PIK3R3: variants seen among roughly 807,000 people sequenced by gnomAD.
PIK3R3 encodes the protein phosphoinositide-3-kinase regulatory subunit 3.
In PIK3R3, 64 loss-of-function variants were observed where a neutral mutation model predicts 62.9. That is an observed-to-expected ratio of 1.02 (90% CI 0.83 to 1.25). The LOEUF is 1.25. Among genes scored for constraint, PIK3R3 ranks in the 50% most tolerant of loss-of-function variants. The pLI, the probability that PIK3R3 is intolerant of heterozygous loss-of-function variation, is 0.00. For synonymous variants in PIK3R3, 165 were observed against 189.0 expected (o/e 0.87, Z 1.04); for missense variants, 614 against 561.6 (o/e 1.09, Z -0.94).
chr1:46,045,635 T>C (rs1261742237), intron 9 of PIK3R3, among the ~76,000 whole-genome samples: 4 of 133,428 alleles, frequency 3.0e-5, no homozygotes, highest in Non-Finnish European at 6.4e-5. Context: ...TTTTTTTTTT[T>C]TTTTTTTTTC....
chr1:46,114,920 C>A (rs1654053836), intron 1 of PIK3R3, among the ~76,000 whole-genome samples: 1 of 151,634 alleles, frequency 6.6e-6, no homozygotes, highest in Non-Finnish European at 1.5e-5. Context: ...TGGCTGCAAT[C>A]TGTAATTTAA....
chr1:46,126,934 G>A (rs1342731254), intron 1 of PIK3R3, among the ~76,000 whole-genome samples: 1 of 152,000 alleles, frequency 6.6e-6, no homozygotes, highest in African/African-American at 2.4e-5. Context: ...GGGGTACTGA[G>A]ACCAAAAAAA....
At chr1:46,112,676 A>G (rs1396959554) in intron 1 of PIK3R3, among the ~76,000 whole-genome samples, 6 of 152,102 alleles carry the variant, frequency 3.9e-5, no homozygotes, top group Non-Finnish European at 8.8e-5. Flanking sequence ...TCTCACTGTG[A>G]TCTCTCCCCC....
chr1:46,067,152 T>C (rs578211520), intron 3 of PIK3R3, 61 bp from the exon 4 acceptor site: 3 of 1,272,326 alleles, frequency 2.4e-6, no homozygotes, highest in African/African-American at 3.0e-5. Context: ...GAACTACTGC[T>C]TTCATATGGA....
Position 46,132,629 on chromosome 1 carries a change from C to T in PIK3R3, c.-677G>A. 7.8e-7 allele frequency: 1 copy of T among 1,289,714 alleles called. No individual in the cohort carries two copies. The allele number at this position is 1,289,714 out of a possible 1,614,324, so 79.9% of individuals were successfully genotyped here. A position where few individuals can be genotyped will look rare whatever the true frequency, so the allele number is the denominator to read the frequency against. On this transcript the variant is annotated 5_prime_UTR_variant, in exon 1 of 10. Coordinates refer to ENST00000262741, the MANE Select transcript of PIK3R3 (RefSeq NM_003629.4). Reference sequence around the variant, plus strand: ...GCACCAACTGCCCTCAAGCTCTGCCCGGACTCCAGCCACTAGAGTTTCATT... The same window carrying T: ...GCACCAACTGCCCTCAAGCTCTGCCTGGACTCCAGCCACTAGAGTTTCATT...
the PIK3R3 span, among the ~76,000 whole-genome samples, chr1:46,169,952 C>A: frequency 2.0e-5 from 3 of 152,114 alleles, no homozygotes; most frequent in Non-Finnish European, 4.4e-5. Flanking sequence ...GATCAGCCCC[C>A]CTAGGCACAA....
At chr1:46,140,347 A>AT in the PIK3R3 span, among the ~76,000 whole-genome samples, 402 of 146,478 alleles carry the variant, frequency 2.7e-3, 1 homozygote, top group African/African-American at 8.9e-3. Context: ...AACCCCCACC[A>AT]TTTTTTTTTT....
At chr1:46,160,825 A>T in the PIK3R3 span, among the ~76,000 whole-genome samples, 1 of 152,212 alleles carries the variant, frequency 6.6e-6, no homozygotes, top group Non-Finnish European at 1.5e-5. Flanking sequence ...CCTGGAATTC[A>T]GGTGTGGACT....
At chr1:46,131,274 G>A (rs1255889076) in intron 1 of PIK3R3, among the ~76,000 whole-genome samples, 1 of 152,058 alleles carries the variant, frequency 6.6e-6, no homozygotes, top group African/African-American at 2.4e-5. Flanking sequence ...GGCTGAATAC[G>A]AACGCCCAAT....
At chr1:46,099,121 C>A (rs758674382) in intron 1 of PIK3R3, among the ~76,000 whole-genome samples, 4 of 152,206 alleles carry the variant, frequency 2.6e-5, no homozygotes, top group Non-Finnish European at 5.9e-5. Context: ...TGGTTAAAAA[C>A]ACTTTTAAAA....
intron 1 of PIK3R3, among the ~76,000 whole-genome samples, chr1:46,096,751 G>C (rs1652163712): frequency 6.6e-6 from 1 of 151,678 alleles, no homozygotes; most frequent in African/African-American, 2.4e-5. Context: ...TGAGGTGGGA[G>C]GATCGCTTGA....
At chr1:46,147,323 T>A in the PIK3R3 span, among the ~76,000 whole-genome samples, 2 of 152,210 alleles carry the variant, frequency 1.3e-5, no homozygotes, top group African/African-American at 4.8e-5. Flanking sequence ...CAGGCTGGTC[T>A]TGAACTCCTG....
upstream of PIK3R3, chr1:46,132,683 G>A (rs1388541367): frequency 7.8e-7 from 1 of 1,289,552 alleles, no homozygotes; most frequent in African/African-American, 1.5e-5. Context: ...CACCCTCCCC[G>A]CCCCATGCTG....
the PIK3R3 span, among the ~76,000 whole-genome samples, chr1:46,146,088 G>A: frequency 2.0e-5 from 3 of 152,184 alleles, no homozygotes; most frequent in Non-Finnish European, 4.4e-5. Flanking sequence ...CATGTCTAAC[G>A]GGGCTGCTTA....
chr1:46,111,398 C>A (rs1176899619), intron 1 of PIK3R3, among the ~76,000 whole-genome samples: 4 of 151,930 alleles, frequency 2.6e-5, no homozygotes, highest in Non-Finnish European at 5.9e-5. Context: ...TGCCTTCTTA[C>A]CTCTGGGGGT....
chr1:46,154,284 C>T, the PIK3R3 span, among the ~76,000 whole-genome samples: 1 of 152,096 alleles, frequency 6.6e-6, no homozygotes, highest in Admixed American at 6.5e-5. Flanking sequence ...AGTTCAGAAT[C>T]CTGTTGAGCA....
the PIK3R3 span, among the ~76,000 whole-genome samples, chr1:46,171,183 A>G: frequency 6.6e-6 from 1 of 152,140 alleles, no homozygotes; most frequent in African/African-American, 2.4e-5. Flanking sequence ...CCCGAGGCTC[A>G]GGGGTTGGGA....
intron 1 of PIK3R3, among the ~76,000 whole-genome samples, chr1:46,091,248 C>G (rs895733107): frequency 2.0e-5 from 3 of 150,666 alleles, no homozygotes; most frequent in Non-Finnish European, 2.9e-5. Context: ...TCAAGCAATT[C>G]TCCTGTCTCA....
rs563338696 is a variant in PIK3R3, at chr1:46,125,909, C to T, written c.106+5938G>A. On this transcript the variant is annotated intron_variant, in intron 1 of 9. Coordinates refer to ENST00000262741, the MANE Select transcript of PIK3R3 (RefSeq NM_003629.4). ...CCGAGTAGCTGGGACTACAGGCGCC[C>T]GCCACCACACCCAGCTAACTTTTTG... Among the ~76,000 whole-genome samples, 7 of 152,044 alleles carry T rather than the reference C, an allele frequency of 4.6e-5. No homozygotes were observed. The South Asian group carries it at 1.5e-3, about 32-fold the overall frequency.
Sources: gnomAD v4.1 joint callset for allele counts (sites outside exome capture counted in the v4.1 genomes callset) on GRCh38, gnomAD v4.1.1 for gene constraint, MANE v1.5 for transcripts, NCBI Gene and HGNC (gene_info 2026-07-23, HGNC 2026-07-21) for gene names.